NAPEPLD: variants seen among roughly 807,000 people sequenced by gnomAD.
NAPEPLD encodes N-acyl-phosphatidylethanolamine-hydrolyzing phospholipase D.
In NAPEPLD, 23 loss-of-function variants were observed where a neutral mutation model predicts 38.1. The ratio of observed to expected loss-of-function variants is 0.60; its 90% CI spans 0.43 to 0.86. The LOEUF is 0.86. Among genes scored for constraint, NAPEPLD ranks in the 40% least tolerant of loss-of-function variants. The probability of loss-of-function intolerance (pLI) is 0.00; values close to 1 mark genes in which losing one functional copy is unlikely to be tolerated. For missense variants in NAPEPLD, 411 were observed against 476.8 expected, an observed-to-expected ratio of 0.86 and a Z score of 1.28; for synonymous variants, 147 against 162.0, an observed-to-expected ratio of 0.91 and a Z score of 0.71.
chr7:103,137,172 C>T lies in NAPEPLD; in HGVS notation c.-16-8380G>A, dbSNP rs191107156. Among the ~76,000 whole-genome samples the T allele has an allele frequency of 4.8e-3, 728 of 152,290 alleles. 6 individuals carry two copies. The highest frequency in any genetic ancestry group is 0.017 in the African/African-American group (687 of 41,556). ...CAGGCTGGTCTCAAACTCCTGACCT[C>T]GTGATCTGCCCGCATTGGCCTCCCA... On this transcript the variant is annotated intron_variant, in intron 1 of 4. Coordinates refer to ENST00000465647, the MANE Select transcript of NAPEPLD (RefSeq NM_001122838.3).
chr7:103,138,192 G>A (rs1160581350), intron 1 of NAPEPLD, among the ~76,000 whole-genome samples: 2 of 151,956 alleles, frequency 1.3e-5, no homozygotes, highest in African/African-American at 4.8e-5. Context: ...TGGCCAGGCA[G>A]GTAGATGATC....
intron 4 of NAPEPLD, among the ~76,000 whole-genome samples, chr7:103,113,860 G>A (rs913313655): frequency 1.3e-5 from 2 of 151,562 alleles, no homozygotes; most frequent in Admixed American, 6.6e-5. Flanking sequence ...GACCTCAGGT[G>A]ATCCACCCGC....
intron 1 of NAPEPLD, chr7:103,129,267 G>C: frequency 1.0e-6 from 1 of 968,986 alleles, no homozygotes; most frequent in Non-Finnish European, 1.2e-6. Flanking sequence ...ATGAAAGAAA[G>C]AAGGATGTTT....
intron 4 of NAPEPLD, among the ~76,000 whole-genome samples, chr7:103,106,350 CTTT>C (rs761558673): frequency 6.9e-6 from 1 of 145,242 alleles, no homozygotes; most frequent in African/African-American, 2.5e-5. Flanking sequence ...GCTGCGGGAG[CTTT>C]TTTTTTTTTT....
intron 3 of NAPEPLD, among the ~76,000 whole-genome samples, chr7:103,118,780 G>A (rs563333711): frequency 6.6e-6 from 1 of 152,262 alleles, no homozygotes; most frequent in East Asian, 1.9e-4. Context: ...CCTAAACAGA[G>A]AATATTAAGG....
Position 103,115,086 on chromosome 7 carries a change from A to G in NAPEPLD, c.1030T>C (p.Trp344Arg). Residue 344 changes from tryptophan to arginine, a missense_variant, in exon 4 of 5, where the codon TGG (tryptophan) becomes CGG (arginine). Coordinates refer to ENST00000465647, the MANE Select transcript of NAPEPLD (RefSeq NM_001122838.3). ...TCATTTGCTAAGGCAAAAGTTCCCC[A>G]GTGAATTGCCATAGATTTCTTTGTT... ...VQTKKSMAIH[W>R]GTFALANEHY... 1 of 1,613,846 alleles carries G rather than the reference A, an allele frequency of 6.2e-7. No homozygotes were observed. The highest frequency in any genetic ancestry group is 8.5e-7 in the Non-Finnish European group (1 of 1,179,884).
At chr7:103,118,539 G>A (rs1030796574) in intron 3 of NAPEPLD, among the ~76,000 whole-genome samples, 17 of 152,102 alleles carry the variant, frequency 1.1e-4, no homozygotes, top group African/African-American at 4.1e-4. Context: ...GAAAACAAAA[G>A]TTTAGATTCA....
intron 1 of NAPEPLD, among the ~76,000 whole-genome samples, chr7:103,138,207 A>G (rs1488397185): frequency 6.6e-6 from 1 of 152,020 alleles, no homozygotes; most frequent in African/African-American, 2.4e-5. Context: ...ATGATCTTAA[A>G]TGTTCATTTA....
intron 1 of NAPEPLD, among the ~76,000 whole-genome samples, chr7:103,132,391 T>C (rs1809127229): frequency 6.6e-6 from 1 of 151,964 alleles, no homozygotes; most frequent in African/African-American, 2.4e-5. Flanking sequence ...CAGTAAGACT[T>C]GAGAGTATTT....
At position 103,131,401 on chromosome 7, in the gene NAPEPLD, A is replaced by G. The variant is rs527252748; in HGVS notation, c.-16-2609T>C. On this transcript the variant is annotated intron_variant, in intron 1 of 4. Transcript: ENST00000465647. The stretch of plus-strand genomic sequence containing the variant: ...GGCCAGGCGCAGTGGCTCAACGCCT[A>G]TAATTCCAGCACTTCAGGAGGCCAA... 3.9e-5 allele frequency among the ~76,000 whole-genome samples: 6 copies of G among 152,194 alleles called. No homozygotes were observed. In the South Asian group the frequency reaches 8.3e-4, roughly 21 times the overall value.
Position 103,128,526 on chromosome 7 carries a change from A to G in NAPEPLD, c.251T>C (p.Leu84Pro), listed in dbSNP as rs1403401677. The G allele has an allele frequency of 6.8e-6, 11 of 1,614,242 alleles. No individual in the cohort carries two copies. Among genetic ancestry groups the G allele is most frequent in the Non-Finnish European group, 9.3e-6 (11 of 1,180,050 alleles). Reference protein sequence around the residue: ...NPSIPNVLRWLIMEKDHSSVP... With the variant: ...NPSIPNVLRWPIMEKDHSSVP... ...ACTGCTGTGATCTTTCTCCATTATC[A>G]GCCATCTGAGAACATTTGGAATAGA... The change falls in exon 2 of 5, where the codon CTG (leucine) becomes CCG (proline). Residue 84 changes from leucine (L) to proline (P), a missense_variant. Physicochemically the swap from Leu to Pro is moderately conservative, Grantham distance 98 (BLOSUM62 -3). Transcript: ENST00000465647.
At chr7:103,115,358 T>C (rs531505798) in intron 3 of NAPEPLD, 184 bp from the exon 4 acceptor site, 2 of 494,366 alleles carry the variant, frequency 4.0e-6, no homozygotes, top group South Asian at 7.2e-5. Context: ...GAAGGCCAGG[T>C]CAAGGCTAGA....
intron 1 of NAPEPLD, among the ~76,000 whole-genome samples, chr7:103,140,504 T>C (rs1052540361): frequency 2.7e-5 from 4 of 148,404 alleles, no homozygotes; most frequent in African/African-American, 9.9e-5. Flanking sequence ...GTCATTCTCC[T>C]GCCTCAGCCT....
intron 1 of NAPEPLD, among the ~76,000 whole-genome samples, chr7:103,146,174 T>C (rs558625013): frequency 9.2e-5 from 14 of 152,144 alleles, no homozygotes; most frequent in African/African-American, 3.1e-4. Flanking sequence ...CATCCGGGTG[T>C]CCTATTAAGA....
At position 103,101,912 on chromosome 7, in the gene NAPEPLD, T is replaced by C. The variant is rs1166658427; in HGVS notation, c.*1517A>G. On this transcript the variant is annotated 3_prime_UTR_variant, in exon 5 of 5. Transcript: ENST00000465647. Reference sequence around the variant, plus strand: ...AATACAGAATGGGCCTCCAGTGGTATCTAATCCACCTCCCTCCCTTAGGAA... The same window carrying C: ...AATACAGAATGGGCCTCCAGTGGTACCTAATCCACCTCCCTCCCTTAGGAA... The C allele has an allele frequency of 2.6e-5, 4 of 152,132 alleles. No individual in the cohort carries two copies. The highest frequency in any genetic ancestry group is 5.9e-5 in the Non-Finnish European group (4 of 68,016). The allele number at this position is 152,132 out of a possible 1,614,324, so 9.4% of individuals were successfully genotyped here.
At chr7:103,128,832 A>G in intron 1 of NAPEPLD, 40 bp from the exon 2 acceptor site, 1 of 1,549,966 alleles carries the variant, frequency 6.5e-7, no homozygotes. Context: ...GTTGAACATA[A>G]AGGCATTCAA....
At chr7:103,137,187 T>C (rs1055784688) in intron 1 of NAPEPLD, among the ~76,000 whole-genome samples, 2 of 152,360 alleles carry the variant, frequency 1.3e-5, no homozygotes, top group Middle Eastern at 3.4e-3. Context: ...TCTGCCCGCA[T>C]TGGCCTCCCA....
At chr7:103,122,481 T>G in intron 2 of NAPEPLD, among the ~76,000 whole-genome samples, 1 of 151,702 alleles carries the variant, frequency 6.6e-6, no homozygotes. Flanking sequence ...AACTGAGAGG[T>G]CAATGAGAGA....
chr7:103,109,598 C>G (rs1804101061), intron 4 of NAPEPLD, among the ~76,000 whole-genome samples: 1 of 152,158 alleles, frequency 6.6e-6, no homozygotes, highest in African/African-American at 2.4e-5. Flanking sequence ...ACATTTAAAG[C>G]AGTGTGTAGA....
Sources: allele counts gnomAD v4.1 joint callset (sites outside exome capture counted in the v4.1 genomes callset), GRCh38; gene constraint gnomAD v4.1.1; transcripts MANE v1.5; gene names NCBI Gene and HGNC (gene_info 2026-07-23, HGNC 2026-07-21).